Variants in ZNF888 observed in about 807,000 individuals in gnomAD.
ZNF888 encodes zinc finger protein 888.
A neutral mutation model predicts 7.2 loss-of-function variants in ZNF888; 5 were observed. The ratio of observed to expected loss-of-function variants is 0.70; its 90% CI spans 0.36 to 1.46. ZNF888 has a LOEUF of 1.46. Among genes scored for constraint, ZNF888 ranks in the 40% most tolerant of loss-of-function variants. The probability of loss-of-function intolerance (pLI) is 0.03; values close to 1 mark genes in which losing one functional copy is unlikely to be tolerated. For missense variants in ZNF888, 716 were observed against 858.0 expected (o/e 0.83, Z 2.07); for synonymous variants, 240 against 284.3 (o/e 0.84, Z 1.57).
intron 2 of ZNF888, among the ~76,000 whole-genome samples, 195 bp downstream of exon 2, chr19:52,918,624 C>A (rs1034440151): frequency 6.6e-6 from 1 of 152,030 alleles, no homozygotes; most frequent in Admixed American, 6.6e-5. Flanking sequence ...CAAAAAGTAG[C>A]CAGGCTTTGT....
intron 4 of ZNF888, among the ~76,000 whole-genome samples, chr19:52,910,470 C>A (rs1013105439): frequency 6.6e-6 from 1 of 151,842 alleles, no homozygotes; most frequent in Admixed American, 6.6e-5. Flanking sequence ...GACTACATCT[C>A]AAAAAAATAA....
chr19:52,913,699 G>C, intron 4 of ZNF888: 1 of 980,674 alleles, frequency 1.0e-6, no homozygotes, highest in African/African-American at 1.8e-5. Flanking sequence ...AATAACCTCT[G>C]CCCATATATC....
intron 4 of ZNF888, among the ~76,000 whole-genome samples, chr19:52,912,335 T>TAG (rs2064694451): frequency 7.1e-6 from 1 of 141,764 alleles, no homozygotes; most frequent in Non-Finnish European, 1.5e-5. Context: ...GGATGGCCTC[T>TAG]ATCTCCTGAC....
intron 4 of ZNF888, among the ~76,000 whole-genome samples, chr19:52,908,840 G>A (rs889517898): frequency 6.7e-5 from 6 of 89,654 alleles, no homozygotes; most frequent in Non-Finnish European, 1.2e-4. Context: ...AGTGAGACTC[G>A]AGTCAAAAAA....
chr19:52,908,895 C>T (rs1457708067), intron 4 of ZNF888, among the ~76,000 whole-genome samples: 2 of 150,408 alleles, frequency 1.3e-5, no homozygotes, highest in African/African-American at 4.9e-5. Context: ...ACCAGTAATC[C>T]CACTACTTTG....
At position 52,908,761 on chromosome 19, in the gene ZNF888, A is replaced by G. The variant is rs1366514879; in HGVS notation, c.143-582T>C. On this transcript the variant is annotated intron_variant, in intron 4 of 4. Coordinates refer to ENST00000638862, the MANE Select transcript of ZNF888 (RefSeq NM_001393938.1). ...CTCGGGAGGCTGAGGCACAAGAATC[A>G]CTTTAAGCCAAGAGGCAAAGGTTGC... Among the ~76,000 whole-genome samples, 187 of 148,318 alleles carry G rather than the reference A, an allele frequency of 1.3e-3. 1 individual carries two copies. Among genetic ancestry groups the G allele is most frequent in the South Asian group, 1.1e-3 (5 of 4,716 alleles).
In ZNF888 at chr19:52,907,668, C is replaced by A; in HGVS notation, c.654G>T (p.Glu218Asp). ...HRKEKSFQFN[E>D]SGKSFNCSSL... The stretch of plus-strand genomic sequence containing the variant: ...AGCTACAATTAAAGGATTTGCCACT[C>A]TCATTAAATTGGAAAGATTTTTCTT... Residue 218 changes from glutamate (E) to aspartate (D), a missense_variant, in exon 5 of 5, where the codon GAG (glutamate) becomes GAT (aspartate). Coordinates refer to ENST00000638862, the MANE Select transcript of ZNF888 (RefSeq NM_001393938.1). The A allele has an allele frequency of 6.2e-7, 1 of 1,605,948 alleles. No individual in the cohort carries two copies. The highest frequency in any genetic ancestry group is 1.3e-5 in the African/African-American group (1 of 74,588).
chr19:52,920,533 G>GAAAAAAA (rs1175516942), intron 1 of ZNF888, among the ~76,000 whole-genome samples: 1 of 24,804 alleles, frequency 4.0e-5, no homozygotes, highest in Non-Finnish European at 8.3e-5. Flanking sequence ...AAAAGAAAAG[G>GAAAAAAA]AAAAAAAAAA....
chr19:52,914,417 A>T, intron 4 of ZNF888: 2 of 919,786 alleles, frequency 2.2e-6, no homozygotes, highest in Non-Finnish European at 2.6e-6. Flanking sequence ...TCCTACTTAT[A>T]AAAAGAAAGG....
intron 1 of ZNF888, among the ~76,000 whole-genome samples, chr19:52,919,340 A>G (rs28558869): frequency 0.11 from 7,045 of 64,314 alleles, 2,809 homozygotes; most frequent in African/African-American, 0.32. Flanking sequence ...ACTGGTTTTC[A>G]TGTTTTTTTT....
In ZNF888 at chr19:52,905,979, C is replaced by T; in HGVS notation, c.*186G>A. The T allele has an allele frequency of 1.0e-6, 1 of 955,900 alleles. No individual in the cohort carries two copies. Among genetic ancestry groups the T allele is most frequent in the South Asian group, 1.3e-5 (1 of 75,550 alleles). The allele number at this position is 955,900 out of a possible 1,614,324, so 59.2% of individuals were successfully genotyped here. On this transcript the variant is annotated 3_prime_UTR_variant, in exon 5 of 5. Transcript: ENST00000638862. ...CATAGGATGAAGCTTGACTGAAGAC[C>T]TTGCCTCAATCATGACATTTGTAAG...
At chr19:52,912,725 G>A (rs118048785) in intron 4 of ZNF888, among the ~76,000 whole-genome samples, 3,159 of 151,660 alleles carry the variant, frequency 0.021, 52 homozygotes, top group East Asian at 0.082. Context: ...CTGAGACTCT[G>A]TCTCAAAGAA....
rs138943504 is a variant in ZNF888 at position 52,915,505 on chromosome 19, C to T, written c.16-183G>A. Among the ~76,000 whole-genome samples the T allele has an allele frequency of 2.4e-3, 361 of 152,248 alleles. 1 individual carries two copies. The highest frequency in any genetic ancestry group is 3.9e-3 in the Non-Finnish European group (263 of 68,020). ...TCTTTTTCTGTTTGAGATGGAGTGT[C>T]GCCCTGTCGCCCAGGCTGGAGTGCA... On this transcript the variant is annotated intron_variant, in intron 3 of 4. Coordinates refer to ENST00000638862, the MANE Select transcript of ZNF888 (RefSeq NM_001393938.1).
intron 4 of ZNF888, among the ~76,000 whole-genome samples, chr19:52,911,320 C>A (rs2064674969): frequency 6.7e-6 from 1 of 149,312 alleles, no homozygotes; most frequent in Non-Finnish European, 1.5e-5. Flanking sequence ...GCAGTCTAAG[C>A]TATTTCTTTT....
chr19:52,908,646 T>G (rs1431515193), intron 4 of ZNF888, among the ~76,000 whole-genome samples: 1 of 152,134 alleles, frequency 6.6e-6, no homozygotes, highest in Non-Finnish European at 1.5e-5. Context: ...ATGGAAATCC[T>G]GTACTGTCAA....
rs188360564 is a variant in ZNF888, at chr19:52,912,862, C to T, written c.142+2334G>A. On this transcript the variant is annotated intron_variant, in intron 4 of 4. Transcript: ENST00000638862. ...GTGACTCATGCCTGTAATCCCAGCA[C>T]TTTGGGAGGATGAGCCAGGCAGATC... is the stretch of plus-strand genomic sequence containing the variant. 3.5e-3 allele frequency among the ~76,000 whole-genome samples: 532 copies of T among 152,200 alleles called. 4 individuals are homozygous for T. The highest frequency in any genetic ancestry group is 0.012 in the African/African-American group (508 of 41,524).
intron 1 of ZNF888, 21 bp from the exon 2 acceptor site, chr19:52,918,958 A>T (rs1350243059): frequency 1.0e-3 from 4 of 3,970 alleles, no homozygotes; most frequent in African/African-American, 7.6e-3. Flanking sequence ...AAAAAAAAAA[A>T]TCTCCCTCTC....
chr19:52,923,306 C>G (rs2064843338), intron 1 of ZNF888, 63 bp downstream of exon 1: 1 of 985,480 alleles, frequency 1.0e-6, no homozygotes, highest in African/African-American at 1.7e-5. Context: ...ACCCCACATC[C>G]CAGGTACAGA....
At chr19:52,922,916 G>A (rs918081472) in intron 1 of ZNF888, among the ~76,000 whole-genome samples, 2 of 34,888 alleles carry the variant, frequency 5.7e-5, no homozygotes, top group African/African-American at 3.8e-4. Context: ...GAGGGAGGTG[G>A]GGGGGAGATG....
Sources: gnomAD v4.1 joint callset for allele counts (sites outside exome capture counted in the v4.1 genomes callset) on GRCh38, gnomAD v4.1.1 for gene constraint, MANE v1.5 for transcripts, NCBI Gene and HGNC (gene_info 2026-07-23, HGNC 2026-07-21) for gene names.